Variants in ZRANB2 observed in about 807,000 individuals in gnomAD.
ZRANB2 encodes zinc finger Ran-binding domain-containing protein 2.
ZRANB2 carries 19 observed loss-of-function variants against 53.4 expected under a neutral mutation model. That is an observed-to-expected ratio of 0.36 (90% CI 0.25 to 0.52). The LOEUF (loss-of-function observed/expected upper bound fraction) is 0.52. Ranked by LOEUF, ZRANB2 falls within the 20% of genes least tolerant of loss-of-function variation. The probability of loss-of-function intolerance (pLI) is 0.93; values close to 1 mark genes in which losing one functional copy is unlikely to be tolerated. For missense variants in ZRANB2, 309 were observed against 401.1 expected, an observed-to-expected ratio of 0.77 and a Z score of 1.96; for synonymous variants, 145 against 134.8, an observed-to-expected ratio of 1.08 and a Z score of -0.52.
Position 71,080,954 on chromosome 1 carries a change from A to G in ZRANB2, c.42T>C (p.Ile14=). Residue 14 remains isoleucine, a synonymous_variant, in exon 1 of 10, where the codon ATT becomes ATC. Transcript: ENST00000370920. ...KNFRVSDGDW[I]CPDKKCGNVN... ...CTTGAACTCACTTTTTGTCAGGGCA[A>G]ATCCAGTCCCCGTCACTGACTCGGA... is the stretch of plus-strand genomic sequence containing the variant. 6.2e-7 allele frequency: 1 copy of G among 1,614,170 alleles called. No homozygotes were observed. Among genetic ancestry groups the G allele is most frequent in the Non-Finnish European group, 8.5e-7 (1 of 1,180,022 alleles).
At chr1:71,075,062 T>G (rs1300192957) in intron 4 of ZRANB2, among the ~76,000 whole-genome samples, 3 of 152,212 alleles carry the variant, frequency 2.0e-5, no homozygotes, top group Admixed American at 1.3e-4. Flanking sequence ...ATAATGAAAC[T>G]ATAAAGGAGT....
chr1:71,077,741 A>C (rs1429984624), intron 3 of ZRANB2, among the ~76,000 whole-genome samples: 1 of 152,188 alleles, frequency 6.6e-6, no homozygotes, highest in East Asian at 1.9e-4. Flanking sequence ...CTGTGGTCCC[A>C]GTTACTAAGG....
At chr1:71,074,885 G>C (rs1312303081) in intron 4 of ZRANB2, among the ~76,000 whole-genome samples, 1 of 152,134 alleles carries the variant, frequency 6.6e-6, no homozygotes. Flanking sequence ...GAAAGCAACA[G>C]AGTAAGTTAT....
chr1:71,071,781 C>T (rs952050076), intron 6 of ZRANB2, among the ~76,000 whole-genome samples: 1 of 152,166 alleles, frequency 6.6e-6, no homozygotes, highest in Admixed American at 6.6e-5. Flanking sequence ...AACTTCACCT[C>T]CTTAGACATT....
Position 71,078,537 on chromosome 1 carries a change from T to C in ZRANB2, c.138A>G (p.Lys46=), listed in dbSNP as rs760291154. Residue 46 remains lysine (K), a synonymous_variant, in exon 3 of 10, where the codon AAA becomes AAG. Coordinates refer to ENST00000370920, the MANE Select transcript of ZRANB2 (RefSeq NM_203350.3). ...REKTTEAKMM[K]AGGTEIGKTL... is the part of the protein sequence containing the mutation. ...TCTTTCCTATTTCAGTGCCCCCAGC[T>C]TTCATCATCTTGGCCTCAGTTGTTT... 11 of 1,614,042 alleles carry C rather than the reference T, an allele frequency of 6.8e-6. No individual in the cohort carries two copies. Among genetic ancestry groups the C allele is most frequent in the Non-Finnish European group, 9.3e-6 (11 of 1,179,958 alleles).
intron 4 of ZRANB2, 82 bp downstream of exon 4, chr1:71,076,713 T>C (rs1661718623): frequency 9.5e-7 from 1 of 1,052,888 alleles, no homozygotes; most frequent in Non-Finnish European, 1.4e-6. Flanking sequence ...ACTGTGGCTC[T>C]TACTCGAAGG....
chr1:71,067,469 C>A, intron 8 of ZRANB2: 1 of 282,530 alleles, frequency 3.5e-6, no homozygotes, highest in South Asian at 3.4e-5. Context: ...GAAATAAAAA[C>A]TAACTTTAAG....
intron 1 of ZRANB2, 104 bp from the exon 2 acceptor site, chr1:71,078,812 T>G: frequency 1.0e-6 from 1 of 974,766 alleles, no homozygotes; most frequent in Non-Finnish European, 1.5e-6. Flanking sequence ...CTAATCCATC[T>G]TAGTCATGTT....
chr1:71,069,499 CAT>C, intron 7 of ZRANB2, 137 bp from the exon 8 acceptor site: 3 of 491,270 alleles, frequency 6.1e-6, no homozygotes, highest in South Asian at 8.6e-5. Flanking sequence ...ACTTTCAAAA[CAT>C]AGTATTTTAA....
intron 8 of ZRANB2, chr1:71,067,574 C>CA: frequency 5.1e-6 from 2 of 391,260 alleles, no homozygotes; most frequent in South Asian, 3.8e-5. Context: ...AGTAAATGTG[C>CA]AAATGTTTAA....
At chr1:71,075,829 G>C (rs1393487079) in intron 4 of ZRANB2, among the ~76,000 whole-genome samples, 1 of 151,752 alleles carries the variant, frequency 6.6e-6, no homozygotes, top group Non-Finnish European at 1.5e-5. Flanking sequence ...TGAAAGTGGC[G>C]GTTGGGCTGG....
chr1:71,078,175 T>A (rs979057695), intron 3 of ZRANB2, among the ~76,000 whole-genome samples: 1 of 152,212 alleles, frequency 6.6e-6, no homozygotes, highest in Non-Finnish European at 1.5e-5. Context: ...GCCTTAGTAC[T>A]TTTAAGTACC....
rs1360181179 is a variant in ZRANB2 at position 71,069,353 on chromosome 1, T to C, written c.693A>G (p.Ser231=). ...SSSRSRSRSR[S]RSSSSSQSRS... Reference sequence around the variant, plus strand: ...TTGACTGCGAACTGGAAGAACTTCTTGAACGGGACCTGGAACAACATGGAA... The same window carrying C: ...TTGACTGCGAACTGGAAGAACTTCTCGAACGGGACCTGGAACAACATGGAA... The change falls in exon 8 of 10, where the codon TCA becomes TCG. Residue 231 remains serine (S), a synonymous_variant. Transcript: ENST00000370920. The C allele has an allele frequency of 6.2e-7, 1 of 1,613,224 alleles. No individual in the cohort carries two copies. The highest frequency in any genetic ancestry group is 8.5e-7 in the Non-Finnish European group (1 of 1,179,498).
chr1:71,078,601 G>C, intron 2 of ZRANB2, 36 bp from the exon 3 acceptor site: 8 of 1,610,488 alleles, frequency 5.0e-6, no homozygotes, highest in Non-Finnish European at 6.8e-6. Context: ...TGAACCTGGA[G>C]AAATAAATAA....
chr1:71,067,760 C>G (rs1318983783), intron 8 of ZRANB2: 1 of 386,348 alleles, frequency 2.6e-6, no homozygotes, highest in African/African-American at 2.3e-5. Flanking sequence ...TTCTGTAAAC[C>G]TTAATTATAA....
At chr1:71,079,385 T>G (rs533670217) in intron 1 of ZRANB2, among the ~76,000 whole-genome samples, 19 of 152,300 alleles carry the variant, frequency 1.2e-4, no homozygotes, top group African/African-American at 4.6e-4. Flanking sequence ...ACTGGTTCAC[T>G]CACATGACCT....
chr1:71,079,942 A>C (rs933025969), intron 1 of ZRANB2, among the ~76,000 whole-genome samples: 2 of 152,184 alleles, frequency 1.3e-5, no homozygotes, highest in African/African-American at 4.8e-5. Flanking sequence ...CACCAATTAG[A>C]ATTTGCTACA....
chr1:71,073,059 T>C (rs1199687492), intron 4 of ZRANB2, among the ~76,000 whole-genome samples: 2 of 152,096 alleles, frequency 1.3e-5, no homozygotes, highest in Non-Finnish European at 2.9e-5. Context: ...ATAAAGGCCA[T>C]CCTTTGGCCC....
In ZRANB2 at chr1:71,072,113, T is replaced by C. The variant is rs747768067; in HGVS notation, c.513+8A>G. ...ACAAAAGGGAAATAGGACAAGAAAA[T>C]TGTTCACCTCATCTAACTTATATTT... On this transcript the variant is annotated splice_region_variant and intron_variant, in intron 6 of 9. Coordinates refer to ENST00000370920, the MANE Select transcript of ZRANB2 (RefSeq NM_203350.3). 126 of 1,602,294 alleles carry C rather than the reference T, an allele frequency of 7.9e-5. No homozygotes were observed. The highest frequency in any genetic ancestry group is 1.5e-4 in the African/African-American group (11 of 74,036).
Sources: allele counts gnomAD v4.1 joint callset (sites outside exome capture counted in the v4.1 genomes callset), GRCh38; gene constraint gnomAD v4.1.1; transcripts MANE v1.5; gene names NCBI Gene and HGNC (gene_info 2026-07-23, HGNC 2026-07-21).